SLC13A1: variants seen among roughly 807,000 people sequenced by gnomAD.
SLC13A1 encodes Na(+)/sulfate cotransporter.
Under a neutral mutation model 70.0 loss-of-function variants are expected in SLC13A1, and 65 were observed. The observed-to-expected ratio is 0.93, with a 90% confidence interval of 0.76 to 1.14. SLC13A1 has a LOEUF of 1.14. Ranked by LOEUF, SLC13A1 falls within the 50% of genes most tolerant of loss-of-function variation. The pLI, the probability that SLC13A1 is intolerant of heterozygous loss-of-function variation, is 0.00. For synonymous variants in SLC13A1, 275 were observed against 250.5 expected (o/e 1.10, Z -0.92); for missense variants, 726 against 717.8 (o/e 1.01, Z -0.13).
intron 6 of SLC13A1, chr7:123,148,611 G>A (rs12706498): frequency 0.25 from 87,262 of 342,672 alleles, 12,308 homozygotes; most frequent in East Asian, 0.36. Context: ...TAACTTTTCC[G>A]GTCATTTCAT....
chr7:123,173,986 T>TC (rs398040101), intron 2 of SLC13A1, among the ~76,000 whole-genome samples: 2 of 151,048 alleles, frequency 1.3e-5, no homozygotes, highest in Non-Finnish European at 3.0e-5. Context: ...TTTTTTTTTT[T>TC]CTCCCTGGTT....
chr7:123,165,929 G>T (rs1266860799), intron 6 of SLC13A1, among the ~76,000 whole-genome samples: 1 of 152,070 alleles, frequency 6.6e-6, no homozygotes, highest in Non-Finnish European at 1.5e-5. Flanking sequence ...ATGGGAATGT[G>T]CCAGAGTTTA....
At chr7:123,168,708 A>G (rs1795155239) in intron 4 of SLC13A1, 147 bp from the exon 5 acceptor site, 1 of 613,046 alleles carries the variant, frequency 1.6e-6, no homozygotes, top group South Asian at 2.4e-5. Context: ...CTTATTTTAT[A>G]AATACAAATA....
In SLC13A1 at chr7:123,194,216, T is replaced by C. The variant is rs766784445; in HGVS notation, c.99+5632A>G. ...GCAATGAGAGCATCGAGGATGATCC[T>C]TAGTTTACATCACAGCCTGAGCCTT... On this transcript the variant is annotated intron_variant, in intron 1 of 14. Transcript: ENST00000194130. Among the ~76,000 whole-genome samples, 45 of 152,228 alleles carry C rather than the reference T, an allele frequency of 3.0e-4. 1 individual carries two copies. Among genetic ancestry groups the C allele is most frequent in the Middle Eastern group, 3.4e-3 (1 of 294 alleles).
At chr7:123,181,334 T>C (rs1212593285) in intron 1 of SLC13A1, among the ~76,000 whole-genome samples, 1 of 152,158 alleles carries the variant, frequency 6.6e-6, no homozygotes, top group Non-Finnish European at 1.5e-5. Flanking sequence ...ATTACATTTA[T>C]TTCACATTTC....
chr7:123,167,701 T>C lies in SLC13A1; in HGVS notation c.660+673A>G, dbSNP rs148897639. On this transcript the variant is annotated intron_variant, in intron 6 of 14. Coordinates refer to ENST00000194130, the MANE Select transcript of SLC13A1 (RefSeq NM_022444.4). ...GTTTACAGAGATCTCCTTCCCTCTT[T>C]TAATATCTAGAATGGCTACAACTCC... 2.6e-3 allele frequency among the ~76,000 whole-genome samples: 400 copies of C among 152,234 alleles called. 1 individual carries two copies. The highest frequency in any genetic ancestry group is 9.1e-3 in the African/African-American group (380 of 41,538).
chr7:123,159,708 A>T (rs2116489807), intron 6 of SLC13A1, among the ~76,000 whole-genome samples: 1 of 152,290 alleles, frequency 6.6e-6, no homozygotes, highest in South Asian at 2.1e-4. Context: ...ATAACTGCAT[A>T]GGAACGCAGG....
In SLC13A1 at chr7:123,134,022, T is replaced by G. The variant is rs547164359; in HGVS notation, c.932+388A>C. Among the ~76,000 whole-genome samples the G allele has an allele frequency of 6.0e-5, 9 of 150,276 alleles. No individual in the cohort carries two copies. In the South Asian group the frequency reaches 8.5e-4, roughly 14 times the overall value. On this transcript the variant is annotated intron_variant, in intron 8 of 14. Transcript: ENST00000194130. ...CTGGATGGTCCTTTTAGGGGGGAGGTTTTTTTTGTTGTTTTGTTTGTTGAT... is the reference window on the plus strand; with the variant it reads ...CTGGATGGTCCTTTTAGGGGGGAGGGTTTTTTTGTTGTTTTGTTTGTTGAT...
intron 1 of SLC13A1, among the ~76,000 whole-genome samples, chr7:123,198,027 A>G (rs1265701920): frequency 2.0e-5 from 3 of 152,184 alleles, no homozygotes; most frequent in African/African-American, 7.2e-5. Context: ...CTCTGCCATA[A>G]GTAAGAATGT....
intron 6 of SLC13A1, among the ~76,000 whole-genome samples, chr7:123,155,713 T>C (rs1388592573): frequency 2.6e-5 from 4 of 152,136 alleles, no homozygotes; most frequent in Admixed American, 2.6e-4. Flanking sequence ...TGGCCTTTTT[T>C]TGAGAAAATT....
At chr7:123,186,451 A>G (rs1290778280) in intron 1 of SLC13A1, among the ~76,000 whole-genome samples, 1 of 152,120 alleles carries the variant, frequency 6.6e-6, no homozygotes, top group Non-Finnish European at 1.5e-5. Flanking sequence ...TAGAGTGACC[A>G]ATTGTTTCAA....
rs1160043648 is a variant in SLC13A1, at chr7:123,119,155, T to A, written c.1438A>T (p.Met480Leu). The change falls in exon 13 of 15, where the codon ATG becomes TTG. Residue 480 changes from methionine (M) to leucine (L), a missense_variant. By Grantham distance (15) the Met-to-Leu change is conservative. Transcript: ENST00000194130. The part of the protein sequence containing the change: ...AWLIILISSL[M>L]VTSLTEVASN... ...GCTACCTCAGTTAAAGATGTCACCA[T>A]CAAAGAAGATATCAGAATTATTAGC... is the stretch of plus-strand genomic sequence containing the variant. 1 of 1,612,734 alleles carries A rather than the reference T, an allele frequency of 6.2e-7. No individual in the cohort carries two copies.
At chr7:123,188,771 C>T (rs1795899245) in intron 1 of SLC13A1, among the ~76,000 whole-genome samples, 1 of 152,060 alleles carries the variant, frequency 6.6e-6, no homozygotes, top group South Asian at 2.1e-4. Context: ...AATTTTAATG[C>T]AGTGATTTTA....
intron 1 of SLC13A1, among the ~76,000 whole-genome samples, chr7:123,197,385 G>A (rs1796220439): frequency 6.6e-6 from 1 of 151,960 alleles, no homozygotes; most frequent in South Asian, 2.1e-4. Context: ...CTAATATTGT[G>A]TCTTTAGAAG....
At chr7:123,196,878 A>G (rs1457566519) in intron 1 of SLC13A1, among the ~76,000 whole-genome samples, 4 of 152,148 alleles carry the variant, frequency 2.6e-5, no homozygotes, top group Non-Finnish European at 5.9e-5. Flanking sequence ...TAAAGCATGA[A>G]TTCTGAGTTC....
At chr7:123,145,381 C>T (rs1794315508) in intron 7 of SLC13A1, among the ~76,000 whole-genome samples, 1 of 152,126 alleles carries the variant, frequency 6.6e-6, no homozygotes, top group African/African-American at 2.4e-5. Flanking sequence ...TGCAATCTTA[C>T]AGAGTAATAT....
chr7:123,130,385 A>G (rs1793715384), intron 8 of SLC13A1, among the ~76,000 whole-genome samples: 1 of 152,204 alleles, frequency 6.6e-6, no homozygotes, highest in Non-Finnish European at 1.5e-5. Context: ...TATGCAGCCA[A>G]AACAAGGAAC....
At chr7:123,160,145 C>G (rs984138973) in intron 6 of SLC13A1, among the ~76,000 whole-genome samples, 2 of 151,604 alleles carry the variant, frequency 1.3e-5, no homozygotes, top group Admixed American at 6.6e-5. Context: ...TAGCTGGGCA[C>G]CTGTAATCCC....
At chr7:123,191,838 AT>A in intron 1 of SLC13A1, among the ~76,000 whole-genome samples, 1 of 152,288 alleles carries the variant, frequency 6.6e-6, no homozygotes, top group East Asian at 1.9e-4. Flanking sequence ...CTATCAGAGT[AT>A]ATATTTTTAA....
Sources: gnomAD v4.1 joint callset for allele counts (sites outside exome capture counted in the v4.1 genomes callset) on GRCh38, gnomAD v4.1.1 for gene constraint, MANE v1.5 for transcripts, NCBI Gene and HGNC (gene_info 2026-07-23, HGNC 2026-07-21) for gene names.